Variants in CEP170 observed in about 807,000 individuals in gnomAD.
CEP170 encodes the protein centrosomal protein of 170 kDa.
A neutral mutation model predicts 151.9 loss-of-function variants in CEP170; 21 were observed. That is an observed-to-expected ratio of 0.14 (90% confidence interval 0.10 to 0.20). The LOEUF (loss-of-function observed/expected upper bound fraction) is 0.20. CEP170 is among the 10% of genes least tolerant of loss of function. The pLI, the probability that CEP170 is intolerant of heterozygous loss-of-function variation, is 1.00. For synonymous variants in CEP170, 356 were observed against 648.8 expected, an observed-to-expected ratio of 0.55 and a Z score of 6.86; for missense variants, 964 against 1,892.9, an observed-to-expected ratio of 0.51 and a Z score of 9.11.
intron 7 of CEP170, among the ~76,000 whole-genome samples, chr1:243,192,085 G>C (rs1387002881): frequency 6.6e-6 from 1 of 152,164 alleles, no homozygotes; most frequent in Non-Finnish European, 1.5e-5. Context: ...AGATATTGCT[G>C]AAGTGCGATC....
intron 11 of CEP170, among the ~76,000 whole-genome samples, chr1:243,172,375 C>T (rs2058909371): frequency 6.6e-6 from 1 of 152,190 alleles, no homozygotes; most frequent in South Asian, 2.1e-4. Context: ...TGACTCATGC[C>T]TGTAATCCTC....
intron 2 of CEP170, among the ~76,000 whole-genome samples, chr1:243,222,662 G>A (rs1306231165): frequency 2.0e-5 from 3 of 152,172 alleles, no homozygotes. Context: ...GAACAGACAT[G>A]ACTTCCAATT....
chr1:243,213,931 G>A (rs1328068822), intron 3 of CEP170, among the ~76,000 whole-genome samples: 1 of 152,222 alleles, frequency 6.6e-6, no homozygotes, highest in Non-Finnish European at 1.5e-5. Context: ...GGCTGGTCTT[G>A]AATTCCTGGC....
intron 14 of CEP170, among the ~76,000 whole-genome samples, chr1:243,145,357 C>A (rs1464344033): frequency 6.6e-6 from 1 of 152,182 alleles, no homozygotes; most frequent in Non-Finnish European, 1.5e-5. Flanking sequence ...TCACTGCAAC[C>A]TCTGCCTCCT....
In CEP170 at chr1:243,139,977, T is replaced by C. The variant is rs1047726783; in HGVS notation, c.4190A>G (p.His1397Arg). The C allele has an allele frequency of 8.1e-6, 13 of 1,613,298 alleles. No individual in the cohort carries two copies. Among genetic ancestry groups the C allele is most frequent in the Middle Eastern group, 1.6e-4 (1 of 6,082 alleles). Reference protein sequence around the residue: ...PRPQAAEPPDHLTITRRRTWS... With the variant: ...PRPQAAEPPDRLTITRRRTWS... ...GGTTCTCCGCCTTGTAATTGTTAAG[T>C]GATCGGGAGGCTCTGCTGCTTGAGG... is the stretch of plus-strand genomic sequence containing the variant. Residue 1397 changes from histidine (H) to arginine (R), a missense_variant, in exon 16 of 20, where the codon CAC (histidine) becomes CGC (arginine). Coordinates refer to ENST00000366542, the MANE Select transcript of CEP170 (RefSeq NM_014812.3).
intron 14 of CEP170, among the ~76,000 whole-genome samples, chr1:243,151,780 C>T (rs546815087): frequency 6.6e-6 from 1 of 152,308 alleles, no homozygotes; most frequent in East Asian, 1.9e-4. Context: ...GATAAAACAG[C>T]CTTCTATTGG....
intron 13 of CEP170, among the ~76,000 whole-genome samples, chr1:243,157,078 C>T (rs1182941537): frequency 2.6e-5 from 4 of 152,160 alleles, no homozygotes; most frequent in Non-Finnish European, 4.4e-5. Context: ...CACAACAAAG[C>T]ATCTTCAGTA....
Position 243,225,332 on chromosome 1 carries a change from A to G in CEP170, c.-41-11T>C. 8.9e-7 allele frequency: 1 copy of G among 1,122,582 alleles called. No homozygotes were observed. Among genetic ancestry groups the G allele is most frequent in the Non-Finnish European group, 1.3e-6 (1 of 795,998 alleles). The allele number at this position is 1,122,582 out of a possible 1,614,324, so 69.5% of individuals were successfully genotyped here. A position where few individuals can be genotyped will look rare whatever the true frequency, so the allele number is the denominator to read the frequency against. ...CAAAGCTACGTCATCCTGAAGAGAA[A>G]CATGAAGAAAAATATACGTTCAGAT... On this transcript the variant is annotated splice_polypyrimidine_tract_variant and intron_variant, in intron 1 of 19. Transcript: ENST00000366542.
chr1:243,188,829 T>C (rs2060096483), intron 8 of CEP170, among the ~76,000 whole-genome samples: 1 of 152,272 alleles, frequency 6.6e-6, no homozygotes, highest in Non-Finnish European at 1.5e-5. Context: ...TAATTACATT[T>C]ATTTAGAGTC....
rs770366877 is a variant in CEP170 at position 243,198,164 on chromosome 1, C to A, written c.631+896G>T. ...CCCAGGTGCCTGTACTTAATTCCTC[C>A]AGTTCTGGATCCTTGTCTGCTGTTA... On this transcript the variant is annotated intron_variant, in intron 7 of 19. Coordinates refer to ENST00000366542, the MANE Select transcript of CEP170 (RefSeq NM_014812.3). Among the ~76,000 whole-genome samples, 214 of 152,148 alleles carry A rather than the reference C, an allele frequency of 1.4e-3. 1 individual carries two copies. Among genetic ancestry groups the A allele is most frequent in the South Asian group, 1.9e-3 (9 of 4,830 alleles).
In CEP170 at chr1:243,214,386, A is replaced by C. The variant is rs946685825; in HGVS notation, c.196-2422T>G. On this transcript the variant is annotated intron_variant, in intron 3 of 19. Transcript: ENST00000366542. ...CTACAACTTCTGCCTCCCAGGTTCA[A>C]GCGATTCTCCTGCCTCAGCCTCTCA... Among the ~76,000 whole-genome samples the C allele has an allele frequency of 5.7e-4, 85 of 149,698 alleles. 1 individual carries two copies. Among genetic ancestry groups the C allele is most frequent in the Admixed American group, 1.5e-3 (22 of 14,868 alleles).
At chr1:243,245,471 T>G (rs1285705474) in intron 1 of CEP170, among the ~76,000 whole-genome samples, 1 of 152,008 alleles carries the variant, frequency 6.6e-6, no homozygotes, top group Non-Finnish European at 1.5e-5. Flanking sequence ...ATCCCAGCAC[T>G]TTGGGAGGCC....
intron 17 of CEP170, among the ~76,000 whole-genome samples, chr1:243,134,740 T>G (rs1429214211): frequency 1.3e-5 from 2 of 151,824 alleles, no homozygotes; most frequent in African/African-American, 2.4e-5. Context: ...ATGATCCGCC[T>G]GCCTTGGCCT....
chr1:243,236,703 TA>T (rs2064285047), intron 1 of CEP170, among the ~76,000 whole-genome samples: 1 of 152,046 alleles, frequency 6.6e-6, no homozygotes, highest in Non-Finnish European at 1.5e-5. Flanking sequence ...ACTATAAATC[TA>T]AAAAACTGTC....
chr1:243,240,599 C>T (rs1256620892), intron 1 of CEP170, among the ~76,000 whole-genome samples: 1 of 149,968 alleles, frequency 6.7e-6, no homozygotes, highest in Non-Finnish European at 1.5e-5. Context: ...AAGACTTGAA[C>T]TTATAATGTA....
chr1:243,255,729 G>A (rs1345056174), upstream of CEP170, among the ~76,000 whole-genome samples: 1 of 152,238 alleles, frequency 6.6e-6, no homozygotes, highest in African/African-American at 2.4e-5. Flanking sequence ...ATTTCGAAGC[G>A]TCAAGGCCTT....
chr1:243,248,961 T>C (rs1393314960), intron 1 of CEP170, among the ~76,000 whole-genome samples: 1 of 152,184 alleles, frequency 6.6e-6, no homozygotes, highest in African/African-American at 2.4e-5. Context: ...CTCAGATACC[T>C]ACAAGATGCT....
intron 14 of CEP170, among the ~76,000 whole-genome samples, chr1:243,152,521 ATTTTTTTTTTTTT>A (rs371392454): frequency 5.1e-4 from 28 of 54,952 alleles, no homozygotes; most frequent in African/African-American, 7.5e-4. Context: ...GCGCCCAGCC[ATTTTTTTTTTTTT>A]TTTTTTTTTT....
At chr1:243,144,674 G>GA (rs1334819157) in intron 14 of CEP170, among the ~76,000 whole-genome samples, 4 of 152,010 alleles carry the variant, frequency 2.6e-5, no homozygotes, top group African/African-American at 9.7e-5. Flanking sequence ...AAATTAATTA[G>GA]AAAAAACATG....
Sources: allele counts gnomAD v4.1 joint callset (sites outside exome capture counted in the v4.1 genomes callset), GRCh38; gene constraint gnomAD v4.1.1; transcripts MANE v1.5; gene names NCBI Gene and HGNC (gene_info 2026-07-23, HGNC 2026-07-21).